TSHZ2: variants seen among roughly 807,000 people sequenced by gnomAD.
TSHZ2 encodes teashirt zinc finger homeobox 2, also known as teashirt homolog 2.
TSHZ2 carries 21 observed loss-of-function variants against 74.4 expected under a neutral mutation model. The observed-to-expected ratio is 0.28, with a 90% CI of 0.20 to 0.41. The LOEUF is 0.41. TSHZ2 is among the 10% of genes least tolerant of loss of function. TSHZ2 has a pLI of 1.00. For synonymous variants in TSHZ2, 540 were observed against 515.3 expected (o/e 1.05, Z -0.65); for missense variants, 1,244 against 1,293.5 (o/e 0.96, Z 0.59).
At chr20:53,330,853 T>A (rs1460991573) in intron 2 of TSHZ2, among the ~76,000 whole-genome samples, 2 of 152,230 alleles carry the variant, frequency 1.3e-5, no homozygotes, top group Non-Finnish European at 2.9e-5. Context: ...CTGGGTTTCA[T>A]CTGAAGTGTG....
chr20:53,065,945 G>A (rs1416979701), intron 1 of TSHZ2, among the ~76,000 whole-genome samples: 1 of 152,154 alleles, frequency 6.6e-6, no homozygotes, highest in Admixed American at 6.5e-5. Context: ...GAATCTGGGG[G>A]TCATACGTGG....
chr20:53,219,188 C>A (rs1989500566), intron 1 of TSHZ2, among the ~76,000 whole-genome samples: 1 of 152,312 alleles, frequency 6.6e-6, no homozygotes, highest in South Asian at 2.1e-4. Flanking sequence ...AACACAGAGT[C>A]TATTGAAATG....
chr20:53,046,116 C>T (rs992657025), intron 1 of TSHZ2, among the ~76,000 whole-genome samples: 2 of 152,070 alleles, frequency 1.3e-5, no homozygotes, highest in African/African-American at 4.8e-5. Context: ...TAGAGTGGGT[C>T]TGGACAGTGT....
intron 1 of TSHZ2, among the ~76,000 whole-genome samples, chr20:53,191,685 A>T (rs1404940210): frequency 6.6e-6 from 1 of 152,200 alleles, no homozygotes; most frequent in Non-Finnish European, 1.5e-5. Context: ...GTTAAACTAC[A>T]CATCTTCACT....
intron 2 of TSHZ2, among the ~76,000 whole-genome samples, chr20:53,324,811 C>G (rs1600811030): frequency 2.0e-5 from 3 of 152,190 alleles, no homozygotes; most frequent in Middle Eastern, 3.2e-3. Context: ...TACTATTCTC[C>G]TCTATTAGAT....
chr20:53,110,276 G>A (rs994227039), intron 1 of TSHZ2, among the ~76,000 whole-genome samples: 7 of 152,032 alleles, frequency 4.6e-5, no homozygotes, highest in African/African-American at 1.7e-4. Context: ...AACAAGGACA[G>A]CCAAATTTTT....
intron 2 of TSHZ2, among the ~76,000 whole-genome samples, chr20:53,283,540 G>T (rs1254322746): frequency 6.6e-6 from 1 of 152,184 alleles, no homozygotes; most frequent in Non-Finnish European, 1.5e-5. Flanking sequence ...GGACTTTAGG[G>T]CTTGCTGGGA....
chr20:52,980,042 G>T (rs1312328955), intron 1 of TSHZ2, among the ~76,000 whole-genome samples: 1 of 152,102 alleles, frequency 6.6e-6, no homozygotes, highest in East Asian at 1.9e-4. Context: ...CTGAAGCAGG[G>T]ACTAATGAAA....
intron 1 of TSHZ2, among the ~76,000 whole-genome samples, chr20:53,127,707 A>G (rs1986987267): frequency 6.6e-6 from 1 of 152,192 alleles, no homozygotes; most frequent in South Asian, 2.1e-4. Flanking sequence ...TGCATCCATT[A>G]TTTGATTTAA....
At chr20:53,076,926 G>GT (rs1274603043) in intron 1 of TSHZ2, among the ~76,000 whole-genome samples, 1 of 152,212 alleles carries the variant, frequency 6.6e-6, no homozygotes, top group African/African-American at 2.4e-5. Flanking sequence ...CTGATGTGCA[G>GT]TTTCAGAGTT....
At chr20:53,135,650 C>G (rs970036030) in intron 1 of TSHZ2, among the ~76,000 whole-genome samples, 1 of 152,072 alleles carries the variant, frequency 6.6e-6, no homozygotes, top group African/African-American at 2.4e-5. Context: ...GGCTGGAGTA[C>G]AGTACAGTGG....
At position 53,254,315 on chromosome 20, in the gene TSHZ2, C is replaced by T; in HGVS notation, c.857C>T (p.Ser286Phe). 1 of 1,614,092 alleles carries T rather than the reference C, an allele frequency of 6.2e-7. No individual in the cohort carries two copies. The highest frequency in any genetic ancestry group is 8.5e-7 in the Non-Finnish European group (1 of 1,180,018). ...KCMFCGDSFD[S>F]LQDLSVHMIK... ...ATGTTTTGTGGCGACTCCTTTGATT[C>T]CCTCCAAGATTTGAGCGTCCACATG... is the stretch of plus-strand genomic sequence containing the variant. The change falls in exon 2 of 3, where the codon TCC (serine) becomes TTC (phenylalanine). Residue 286 changes from serine (S) to phenylalanine (F), a missense_variant. Around this residue, in one of 6 missense-constraint regions of TSHZ2, gnomAD observed 470 missense variants for 456.5 expected, o/e 1.03. Transcript: ENST00000371497.
At chr20:53,387,817 T>A (rs1982103203) in intron 2 of TSHZ2, among the ~76,000 whole-genome samples, 2 of 152,020 alleles carry the variant, frequency 1.3e-5, no homozygotes, top group Non-Finnish European at 2.9e-5. Flanking sequence ...GAAGCTGAGG[T>A]GGGCAGATTG....
chr20:53,248,380 T>C (rs190383487), intron 1 of TSHZ2, among the ~76,000 whole-genome samples: 1 of 152,220 alleles, frequency 6.6e-6, no homozygotes, highest in East Asian at 1.9e-4. Flanking sequence ...AGCCATTAAC[T>C]TTTCATATGA....
intron 2 of TSHZ2, among the ~76,000 whole-genome samples, chr20:53,362,382 C>T (rs1017836761): frequency 6.6e-5 from 10 of 151,256 alleles, no homozygotes; most frequent in Non-Finnish European, 1.3e-4. Context: ...GACGGGGTTT[C>T]GCTGTGTTAG....
chr20:53,191,373 A>T (rs1346025331), intron 1 of TSHZ2, among the ~76,000 whole-genome samples: 1 of 152,206 alleles, frequency 6.6e-6, no homozygotes, highest in Admixed American at 6.5e-5. Flanking sequence ...ATAAAAAGTT[A>T]AACTACTGGC....
At chr20:53,058,006 G>A (rs560168988) in intron 1 of TSHZ2, among the ~76,000 whole-genome samples, 1 of 152,168 alleles carries the variant, frequency 6.6e-6, no homozygotes, top group Non-Finnish European at 1.5e-5. Flanking sequence ...ACTGGAGGTA[G>A]GGGGATGATT....
chr20:53,385,124 A>C (rs958815600), intron 2 of TSHZ2, among the ~76,000 whole-genome samples: 1 of 152,208 alleles, frequency 6.6e-6, no homozygotes, highest in Admixed American at 6.5e-5. Context: ...CGTCTCAAAA[A>C]ATAAAAATTA....
intron 1 of TSHZ2, among the ~76,000 whole-genome samples, chr20:53,109,404 T>A (rs1001035965): frequency 1.1e-4 from 17 of 152,210 alleles, no homozygotes; most frequent in Admixed American, 2.6e-4. Flanking sequence ...ACCCTATCTC[T>A]CTCTTATCTT....
Sources: allele counts gnomAD v4.1 joint callset (sites outside exome capture counted in the v4.1 genomes callset), GRCh38; gene constraint gnomAD v4.1.1; regional missense constraint gnomAD v4.1.1; transcripts MANE v1.5; gene names NCBI Gene and HGNC (gene_info 2026-07-23, HGNC 2026-07-21).